Variants in CSGALNACT1 observed in about 807,000 individuals in gnomAD.
CSGALNACT1 encodes the protein chondroitin sulfate N-acetylgalactosaminyltransferase 1, also known as beta4GalNAcT-1.
CSGALNACT1 carries 52 observed loss-of-function variants against 51.0 expected under a neutral mutation model. The observed-to-expected ratio is 1.02, with a 90% CI of 0.82 to 1.29. The LOEUF (loss-of-function observed/expected upper bound fraction) is 1.29, where lower values mean the gene tolerates loss of function less well. Among genes scored for constraint, CSGALNACT1 ranks in the 50% most tolerant of loss-of-function variants. The pLI is 0.00. For missense variants in CSGALNACT1, 935 were observed against 679.2 expected, an observed-to-expected ratio of 1.38 and a Z score of -4.19; for synonymous variants, 341 against 254.4, an observed-to-expected ratio of 1.34 and a Z score of -3.24.
intron 1 of CSGALNACT1, among the ~76,000 whole-genome samples, chr8:19,624,168 C>G (rs897027694): frequency 2.6e-5 from 4 of 152,200 alleles, no homozygotes; most frequent in African/African-American, 7.2e-5. Context: ...AGTGTAGCCC[C>G]TCTGAGATTA....
chr8:19,418,729 A>G (rs771386737), exon 8 of CSGALNACT1: 5 of 1,612,300 alleles, frequency 3.1e-6, no homozygotes, highest in Admixed American at 1.7e-5. Context: ...ACTGAAAAGA[A>G]CTGGATAAAA....
At chr8:19,711,502 T>C (rs1414987020) in intron 1 of CSGALNACT1, among the ~76,000 whole-genome samples, 4 of 152,228 alleles carry the variant, frequency 2.6e-5, no homozygotes, top group Non-Finnish European at 4.4e-5. Flanking sequence ...TAAGGGAACA[T>C]GGCAAATAAA....
intron 1 of CSGALNACT1, among the ~76,000 whole-genome samples, chr8:19,640,397 C>G (rs767250584): frequency 1.3e-5 from 2 of 152,156 alleles, no homozygotes; most frequent in Non-Finnish European, 2.9e-5. Context: ...CTGAAATTCT[C>G]CAGACTCCTT....
At chr8:19,452,540 G>C (rs77650282) in intron 5 of CSGALNACT1, among the ~76,000 whole-genome samples, 2,032 of 152,226 alleles carry the variant, frequency 0.013, 39 homozygotes, top group African/African-American at 0.047. Context: ...GCTGAGAGCT[G>C]ATGACATATA....
intron 4 of CSGALNACT1, among the ~76,000 whole-genome samples, chr8:19,486,554 G>A (rs950513505): frequency 6.6e-6 from 1 of 152,072 alleles, no homozygotes; most frequent in Non-Finnish European, 1.5e-5. Context: ...CCTGCCCAGA[G>A]CTTGCACACT....
chr8:19,662,430 A>T (rs1020654195), intron 1 of CSGALNACT1, among the ~76,000 whole-genome samples: 5 of 152,240 alleles, frequency 3.3e-5, no homozygotes, highest in Non-Finnish European at 7.4e-5. Flanking sequence ...AACAATTACA[A>T]CAAGGTTTTA....
At chr8:19,570,995 T>C in intron 3 of CSGALNACT1, among the ~76,000 whole-genome samples, 1 of 152,156 alleles carries the variant, frequency 6.6e-6, no homozygotes, top group African/African-American at 2.4e-5. Context: ...TTATTTATTT[T>C]TGAGACAGGT....
chr8:19,718,100 GC>G (rs1473097430), intron 1 of CSGALNACT1, among the ~76,000 whole-genome samples: 2 of 152,020 alleles, frequency 1.3e-5, no homozygotes, highest in African/African-American at 2.4e-5. Context: ...AGCATAACAG[GC>G]CTTCTTTTTG....
At chr8:19,721,289 C>A (rs761735291) in intron 1 of CSGALNACT1, among the ~76,000 whole-genome samples, 2 of 152,170 alleles carry the variant, frequency 1.3e-5, no homozygotes, top group East Asian at 3.9e-4. Flanking sequence ...AAGCCCAAGT[C>A]CCCAGCCAAG....
At chr8:19,733,943 G>C (rs1230726332) in intron 1 of CSGALNACT1, among the ~76,000 whole-genome samples, 2 of 152,098 alleles carry the variant, frequency 1.3e-5, no homozygotes, top group East Asian at 1.9e-4. Flanking sequence ...CCAAACCATA[G>C]AGGAGGCCAG....
intron 3 of CSGALNACT1, among the ~76,000 whole-genome samples, chr8:19,516,937 AT>A (rs1220276567): frequency 3.3e-5 from 5 of 152,118 alleles, no homozygotes; most frequent in Admixed American, 3.3e-4. Flanking sequence ...CTGCAGCCAC[AT>A]TTATTTCCTG....
At position 19,554,903 on chromosome 8, in the gene CSGALNACT1, G is replaced by A. The variant is rs554634217; in HGVS notation, c.-297+36257C>T. On this transcript the variant is annotated intron_variant, in intron 3 of 9. Transcript: ENST00000454498. ...ACTGCATTGCAGCCTGGGTGACAGA[G>A]GGAGACTCTGTCTCAAAAAAAGATA... is the stretch of plus-strand genomic sequence containing the variant. Among the ~76,000 whole-genome samples, 37 of 152,112 alleles carry A rather than the reference G, an allele frequency of 2.4e-4. No individual in the cohort carries two copies. The Middle Eastern group carries it at 0.017, about 70-fold the overall frequency.
chr8:19,754,599 CTTAACTCTAAAATTA>C (rs1275832984), intron 1 of CSGALNACT1, among the ~76,000 whole-genome samples: 4 of 152,212 alleles, frequency 2.6e-5, no homozygotes, highest in Admixed American at 6.5e-5. Flanking sequence ...CTTTTAAGCC[CTTAACTCTAAAATTA>C]TTAAAAACAG....
At chr8:19,517,434 C>T (rs1239217080) in intron 3 of CSGALNACT1, among the ~76,000 whole-genome samples, 4 of 151,882 alleles carry the variant, frequency 2.6e-5, no homozygotes, top group Non-Finnish European at 5.9e-5. Flanking sequence ...GAGTGAAACT[C>T]CATCTCAAAA....
rs1193506761 is a variant in CSGALNACT1 at position 19,691,047 on chromosome 8, G to A, written c.-297+66803C>T. Among the ~76,000 whole-genome samples, 5 of 152,190 alleles carry A rather than the reference G, an allele frequency of 3.3e-5. No individual in the cohort carries two copies. In the East Asian group the frequency reaches 5.8e-4, roughly 18 times the overall value. On this transcript the variant is annotated intron_variant, in intron 1 of 1. Transcript: ENST00000517494. Reference sequence around the variant, plus strand: ...TTCAAGGCTGCAGTGAGTGGCAATTGCACCACTGCACTCAAGCTTGGACAA... The same window carrying A: ...TTCAAGGCTGCAGTGAGTGGCAATTACACCACTGCACTCAAGCTTGGACAA...
At chr8:19,755,004 A>AT (rs912457814) in intron 1 of CSGALNACT1, among the ~76,000 whole-genome samples, 37 of 152,248 alleles carry the variant, frequency 2.4e-4, no homozygotes, top group Admixed American at 2.2e-3. Context: ...AATTATTAAA[A>AT]GAAGGATGTG....
rs142511137 is a variant in CSGALNACT1 at position 19,625,114 on chromosome 8, T to C, written c.-543-23249A>G. 5.5e-3 allele frequency among the ~76,000 whole-genome samples: 833 copies of C among 152,274 alleles called. 8 individuals carry two copies. Among genetic ancestry groups the C allele is most frequent in the African/African-American group, 0.019 (802 of 41,554 alleles). On this transcript the variant is annotated intron_variant, in intron 1 of 9. Coordinates refer to the CSGALNACT1 transcript ENST00000332246. ...ACGAGTCAGTTCCATTCACATTCCATTGGCCAGAAAGAGTATCACAACCCT... is the reference window on the plus strand; with the variant it reads ...ACGAGTCAGTTCCATTCACATTCCACTGGCCAGAAAGAGTATCACAACCCT...
chr8:19,629,849 T>C (rs1034883237), intron 1 of CSGALNACT1, among the ~76,000 whole-genome samples: 1 of 152,188 alleles, frequency 6.6e-6, no homozygotes, highest in Non-Finnish European at 1.5e-5. Context: ...CTGTGGGGTA[T>C]GCAAATTGAA....
intron 6 of CSGALNACT1, among the ~76,000 whole-genome samples, chr8:19,438,747 G>A (rs953902871): frequency 2.6e-5 from 4 of 152,190 alleles, no homozygotes; most frequent in Admixed American, 6.5e-5. Context: ...AAAGACAGGT[G>A]CAAGACAAAA....
Sources: allele counts gnomAD v4.1 joint callset (sites outside exome capture counted in the v4.1 genomes callset), GRCh38; gene constraint gnomAD v4.1.1; transcripts MANE v1.5; gene names NCBI Gene and HGNC (gene_info 2026-07-23, HGNC 2026-07-21).